PRKG2: variants seen among roughly 807,000 people sequenced by gnomAD.
PRKG2 encodes protein kinase cGMP-dependent 2.
In PRKG2, 33 loss-of-function variants were observed where a neutral mutation model predicts 97.2. The observed-to-expected ratio is 0.34, with a 90% CI of 0.26 to 0.45. PRKG2 has a LOEUF of 0.45. Among genes scored for constraint, PRKG2 ranks in the 20% least tolerant of loss-of-function variants. The probability of loss-of-function intolerance (pLI) is 1.00; values close to 1 mark genes in which losing one functional copy is unlikely to be tolerated. For missense variants in PRKG2, 638 were observed against 900.0 expected (o/e 0.71, Z 3.73); for synonymous variants, 330 against 321.8 (o/e 1.03, Z -0.27).
chr4:81,173,127 T>A (rs1750638245), intron 3 of PRKG2, among the ~76,000 whole-genome samples: 1 of 152,194 alleles, frequency 6.6e-6, no homozygotes, highest in Non-Finnish European at 1.5e-5. Flanking sequence ...TATCAAAAGT[T>A]AAAGCTAAAT....
Position 81,137,593 on chromosome 4 carries a change from T to A in PRKG2, c.1545-111A>T, listed in dbSNP as rs946234371. On this transcript the variant is annotated intron_variant, in intron 12 of 18. Transcript: ENST00000264399. Reference sequence around the variant, plus strand: ...TTAGGAACAATGATACTCATCTCCATATAAATACCCCACAACTACACTGGG... The same window carrying A: ...TTAGGAACAATGATACTCATCTCCAAATAAATACCCCACAACTACACTGGG... The A allele has an allele frequency of 6.9e-5, 55 of 799,448 alleles. No homozygotes were observed. The African/African-American group carries it at 7.8e-4, about 11-fold the overall frequency. 49.5% of individuals were successfully genotyped at this position (799,448 alleles called of 1,614,324 possible).
At chr4:81,181,981 C>G (rs112752747) in intron 2 of PRKG2, among the ~76,000 whole-genome samples, 17 of 151,772 alleles carry the variant, frequency 1.1e-4, no homozygotes, top group African/African-American at 3.9e-4. Context: ...AATATAAAAA[C>G]TATCCCACCC....
chr4:81,112,633 ATACT>A (rs1218674334), intron 14 of PRKG2, among the ~76,000 whole-genome samples: 1 of 152,164 alleles, frequency 6.6e-6, no homozygotes, highest in East Asian at 1.9e-4. Context: ...AGAGATGGCA[ATACT>A]TATATTAAAA....
In PRKG2 at chr4:81,162,224, C is replaced by T. The variant is rs370356024; in HGVS notation, c.912+4937G>A. ...GAATGTTTAGTGCACACCAGGTACC[C>T]GGTGACTGTTAATCTTACGAAAGAG... On this transcript the variant is annotated intron_variant, in intron 6 of 18. Coordinates refer to ENST00000264399, the MANE Select transcript of PRKG2 (RefSeq NM_006259.3). Among the ~76,000 whole-genome samples the T allele has an allele frequency of 3.3e-5, 5 of 152,222 alleles. No individual in the cohort carries two copies. The South Asian group carries it at 8.3e-4, about 25-fold the overall frequency.
chr4:81,207,780 G>C (rs977127384), intron 1 of PRKG2, among the ~76,000 whole-genome samples: 4 of 152,148 alleles, frequency 2.6e-5, no homozygotes, highest in African/African-American at 9.7e-5. Flanking sequence ...AGATACGTAA[G>C]TAAGTTACTA....
chr4:81,139,433 C>CATAT lies in PRKG2; in HGVS notation c.1544+1096_1544+1099dup, dbSNP rs375727492. 3.8e-3 allele frequency among the ~76,000 whole-genome samples: 579 copies of CATAT among 151,990 alleles called. 6 individuals are homozygous for CATAT. The highest frequency in any genetic ancestry group is 0.013 in the African/African-American group (546 of 41,464). On this transcript the variant is annotated intron_variant, in intron 12 of 18. Transcript: ENST00000264399. ...ACATATACACACATACTCAAACACACATATATATATACGCACACACATTTT... is the reference window on the plus strand; with the variant it reads ...ACATATACACACATACTCAAACACACATATATATATATATACGCACACACATTTT...
intron 6 of PRKG2, among the ~76,000 whole-genome samples, chr4:81,155,620 A>G (rs1326434856): frequency 6.6e-6 from 1 of 151,844 alleles, no homozygotes; most frequent in Non-Finnish European, 1.5e-5. Context: ...ACCAAGACAC[A>G]TAATTGTCAG....
chr4:81,195,161 TAATC>T (rs1462943479), intron 2 of PRKG2, among the ~76,000 whole-genome samples: 2 of 152,310 alleles, frequency 1.3e-5, no homozygotes, highest in South Asian at 2.1e-4. Context: ...GCTCATCAAT[TAATC>T]AATCAATTAG....
intron 2 of PRKG2, among the ~76,000 whole-genome samples, chr4:81,191,123 TAC>T (rs78038236): frequency 6.6e-6 from 1 of 151,832 alleles, no homozygotes; most frequent in Non-Finnish European, 1.5e-5. Flanking sequence ...ACTATAAAGA[TAC>T]ACACACACGT....
chr4:81,182,460 G>A (rs189441169), intron 2 of PRKG2, among the ~76,000 whole-genome samples: 10 of 151,928 alleles, frequency 6.6e-5, no homozygotes, highest in East Asian at 3.9e-4. Flanking sequence ...ATATTATATC[G>A]TGAAACATTG....
At chr4:81,107,573 T>C (rs1743471928) in intron 15 of PRKG2, among the ~76,000 whole-genome samples, 2 of 151,994 alleles carry the variant, frequency 1.3e-5, no homozygotes, top group Non-Finnish European at 2.9e-5. Flanking sequence ...AGTGCAGTGG[T>C]GCAATCTCGG....
Position 81,209,456 on chromosome 4 carries a change from G to C in PRKG2, c.-13-4396C>G, listed in dbSNP as rs189058451. ...TGGGAGATGGTATGGTGCTGGCTAA[G>C]GTTATGGATCCAGAGTCCCAGTGGA... On this transcript the variant is annotated intron_variant, in intron 1 of 18. Coordinates refer to ENST00000264399, the MANE Select transcript of PRKG2 (RefSeq NM_006259.3). 8.3e-4 allele frequency among the ~76,000 whole-genome samples: 127 copies of C among 152,204 alleles called. 1 individual carries two copies. The East Asian group carries it at 0.019, about 23-fold the overall frequency.
intron 6 of PRKG2, among the ~76,000 whole-genome samples, chr4:81,160,107 A>C (rs1200662904): frequency 6.6e-6 from 1 of 152,008 alleles, no homozygotes; most frequent in Non-Finnish European, 1.5e-5. Context: ...CTTAAAGTAT[A>C]ATAATAATAA....
In PRKG2 at chr4:81,137,374, A is replaced by T; in HGVS notation, c.1634+19T>A. 6.4e-7 allele frequency: 1 copy of T among 1,556,380 alleles called. No individual in the cohort carries two copies. Among genetic ancestry groups the T allele is most frequent in the Non-Finnish European group, 8.9e-7 (1 of 1,128,036 alleles). ...TATAGCCCTTAGGCCAGATGTGAGT[A>T]TACAAACTTTTTCATTACCTGTCCC... On this transcript the variant is annotated intron_variant, in intron 13 of 18. Coordinates refer to ENST00000264399, the MANE Select transcript of PRKG2 (RefSeq NM_006259.3).
intron 2 of PRKG2, among the ~76,000 whole-genome samples, chr4:81,203,674 C>G (rs1462519509): frequency 6.6e-6 from 1 of 151,912 alleles, no homozygotes; most frequent in Non-Finnish European, 1.5e-5. Context: ...CTTCCCTGAC[C>G]CAGAAAATCA....
intron 17 of PRKG2, among the ~76,000 whole-genome samples, chr4:81,095,963 C>T (rs2109948751): frequency 6.6e-6 from 1 of 152,228 alleles, no homozygotes; most frequent in South Asian, 2.1e-4. Context: ...TAAAAATGTA[C>T]ATAATTTTAA....
rs367632744 is a variant in PRKG2 at position 81,092,401 on chromosome 4, T to C, written c.2178A>G (p.Ser726=). 12 of 1,587,606 alleles carry C rather than the reference T, an allele frequency of 7.6e-6. No homozygotes were observed. In the African/African-American group the frequency reaches 1.4e-4, roughly 18 times the overall value. Residue 726 remains serine, a synonymous_variant, in exon 18 of 19, where the codon TCA becomes TCG. Coordinates refer to ENST00000264399, the MANE Select transcript of PRKG2 (RefSeq NM_006259.3). ...AATACAATACCTCTCTTTGCAAAGG[T>C]GATGGAAGGCTCCGTGCTTTCAGTC... ...WEGLKARSLP[S]PLQRELKGPI...
At chr4:81,150,594 T>A (rs1748295010) in intron 8 of PRKG2, among the ~76,000 whole-genome samples, 1 of 152,196 alleles carries the variant, frequency 6.6e-6, no homozygotes. Flanking sequence ...ATGCTTTTTT[T>A]ATTGGAAAAC....
At chr4:81,173,226 C>T (rs1043649464) in intron 3 of PRKG2, among the ~76,000 whole-genome samples, 10 of 152,084 alleles carry the variant, frequency 6.6e-5, no homozygotes, top group African/African-American at 2.4e-4. Flanking sequence ...ATAATTAAAC[C>T]AGGCAATTCA....
Sources: gnomAD v4.1 joint callset for allele counts (sites outside exome capture counted in the v4.1 genomes callset) on GRCh38, gnomAD v4.1.1 for gene constraint, MANE v1.5 for transcripts, NCBI Gene and HGNC (gene_info 2026-07-23, HGNC 2026-07-21) for gene names.